Variants in TRNT1 observed in about 807,000 individuals in gnomAD.
TRNT1 encodes CCA tRNA nucleotidyltransferase 1, mitochondrial.
Under a neutral mutation model 45.6 loss-of-function variants are expected in TRNT1, and 44 were observed. The ratio of observed to expected loss-of-function variants is 0.97; its 90% CI spans 0.76 to 1.24. TRNT1 has a LOEUF of 1.24. Ranked by LOEUF, TRNT1 falls within the 50% of genes most tolerant of loss-of-function variation. The pLI, the probability that TRNT1 is intolerant of heterozygous loss-of-function variation, is 0.00. For synonymous variants in TRNT1, 201 were observed against 171.4 expected (o/e 1.17, Z -1.35); for missense variants, 633 against 504.4 (o/e 1.25, Z -2.44).
chr3:3,143,379 A>G (rs334755), intron 4 of TRNT1, among the ~76,000 whole-genome samples: 152,254 of 152,326 alleles, frequency 1, 76,091 homozygotes, highest in Middle Eastern at 1. Context: ...CACTTTTTTC[A>G]TTCAACATAT....
At chr3:3,146,732 T>C (rs1706053173) in intron 6 of TRNT1, 109 bp downstream of exon 6, 3 of 1,057,366 alleles carry the variant, frequency 2.8e-6, no homozygotes, top group South Asian at 3.4e-5. Flanking sequence ...CTTGGAGAAA[T>C]GGAGTATTTT....
chr3:3,153,321 TG>T (rs1432594219), downstream of TRNT1: 11 of 726,544 alleles, frequency 1.5e-5, no homozygotes, highest in Non-Finnish European at 2.7e-5. Context: ...GCTAAATGTT[TG>T]TAACTTTAAG....
intron 3 of TRNT1, among the ~76,000 whole-genome samples, chr3:3,139,526 C>G (rs1705517678): frequency 6.6e-6 from 1 of 152,210 alleles, no homozygotes; most frequent in South Asian, 2.1e-4. Flanking sequence ...GATATACTTT[C>G]TCTTTTACAT....
chr3:3,144,637 AAG>A lies in TRNT1; in HGVS notation c.537_538del (p.Lys180SerfsTer2). On this transcript the variant is annotated frameshift_variant, in exon 5 of 8. Coordinates refer to ENST00000251607, the MANE Select transcript of TRNT1 (RefSeq NM_182916.3). LOFTEE classifies it high-confidence loss of function. ...YFNGYEDLKN[K>X]KVRFVGHAKQ... ...TAATGGTTATGAAGATTTAAAAAAT[AAG>A]AAAGTTAGATTTGTTGGACATGCTA... The A allele has an allele frequency of 6.3e-7, 1 of 1,586,764 alleles. No individual in the cohort carries two copies. The highest frequency in any genetic ancestry group is 8.6e-7 in the Non-Finnish European group (1 of 1,159,826).
At chr3:3,150,270 G>C (rs923153529), downstream of TRNT1, 1 of 152,200 alleles carries the variant, frequency 6.6e-6, no homozygotes, top group Non-Finnish European at 1.5e-5. Flanking sequence ...ACAACTATTC[G>C]TGGGCTCAAA....
At chr3:3,153,024 CTG>C (rs1322563490), downstream of TRNT1, 24 of 300,984 alleles carry the variant, frequency 8.0e-5, no homozygotes, top group African/African-American at 4.8e-4. Flanking sequence ...TTTTCAAACA[CTG>C]TTATATCAGA....
intron 4 of TRNT1, among the ~76,000 whole-genome samples, chr3:3,142,599 T>G (rs1329458183): frequency 6.6e-6 from 1 of 152,234 alleles, no homozygotes; most frequent in East Asian, 1.9e-4. Flanking sequence ...TTTGTGTAGT[T>G]TTCTATCCTG....
chr3:3,133,304 A>C (rs911967897), intron 2 of TRNT1, among the ~76,000 whole-genome samples: 2 of 152,128 alleles, frequency 1.3e-5, no homozygotes, highest in Non-Finnish European at 2.9e-5. Flanking sequence ...ATAATCTCCC[A>C]GCACTTTGGG....
At chr3:3,151,098 C>CTATCA, downstream of TRNT1, 9 of 1,581,298 alleles carry the variant, frequency 5.7e-6, no homozygotes, top group Non-Finnish European at 6.9e-6. Context: ...TACTCCAAGC[C>CTATCA]TATCATATAA....
chr3:3,152,341 T>TTGTC (rs1706623922), downstream of TRNT1: 1 of 1,168,876 alleles, frequency 8.6e-7, no homozygotes. Context: ...AATTACTCAT[T>TTGTC]TGTCTGTCTA....
intron 2 of TRNT1, chr3:3,130,290 G>A (rs1188726893): frequency 4.0e-6 from 1 of 251,964 alleles, no homozygotes; most frequent in Non-Finnish European, 7.7e-6. Flanking sequence ...TGGGTGGGAT[G>A]ACCATCTATA....
chr3:3,137,112 C>T, intron 2 of TRNT1, 148 bp from the exon 3 acceptor site: 1 of 616,404 alleles, frequency 1.6e-6, no homozygotes, highest in Admixed American at 3.6e-5. Context: ...CTTCTTTGGG[C>T]CTTGTTCTCA....
At chr3:3,128,928 ATAAACT>A in intron 1 of TRNT1, 80 bp from the exon 2 acceptor site, 1 of 1,041,114 alleles carries the variant, frequency 9.6e-7, no homozygotes, top group Non-Finnish European at 1.4e-6. Flanking sequence ...TTCTGAGTTG[ATAAACT>A]TGAAATGTGT....
chr3:3,151,949 T>C (rs1575077902), downstream of TRNT1, among the ~76,000 whole-genome samples: 1 of 152,326 alleles, frequency 6.6e-6, no homozygotes, highest in South Asian at 2.1e-4. Flanking sequence ...GGTCCAGATA[T>C]AAAGTTCTAC....
At chr3:3,152,367 A>AT, downstream of TRNT1, 1 of 1,350,690 alleles carries the variant, frequency 7.4e-7, no homozygotes, top group South Asian at 1.3e-5. Context: ...TATTATAAAG[A>AT]TTGTGGCAAC....
downstream of TRNT1, chr3:3,150,764 A>T: frequency 9.0e-7 from 1 of 1,115,770 alleles, no homozygotes; most frequent in Non-Finnish European, 1.3e-6. Context: ...CTTAGGTATT[A>T]ATGTTATGTT....
chr3:3,138,015 G>A (rs972362470), intron 3 of TRNT1, among the ~76,000 whole-genome samples: 2 of 152,186 alleles, frequency 1.3e-5, no homozygotes, highest in African/African-American at 4.8e-5. Flanking sequence ...GAGCTATAGA[G>A]TTCCTCTCAA....
At chr3:3,151,127 C>T (rs2126047776), downstream of TRNT1, 1 of 1,413,840 alleles carries the variant, frequency 7.1e-7, no homozygotes, top group South Asian at 1.2e-5. Flanking sequence ...TGAAGACAGA[C>T]TTTAGAGGCA....
rs146766859 is a variant in TRNT1 at position 3,148,123 on chromosome 3, A to T, written c.1274A>T (p.Asp425Val). Residue 425 changes from aspartate to valine, a missense_variant, in exon 8 of 8, where the codon GAT becomes GTT. Transcript: ENST00000251607. ...AAAAGTGGTTACCAAATGGAAAAAGATGAACTTCTGAGTTACATAAAGAAG... is the reference window on the plus strand; with the variant it reads ...AAAAGTGGTTACCAAATGGAAAAAGTTGAACTTCTGAGTTACATAAAGAAG... ...WKKSGYQMEKDELLSYIKKT is the reference protein window; with the variant it reads ...WKKSGYQMEKVELLSYIKKT 1 of 1,613,790 alleles carries T rather than the reference A, an allele frequency of 6.2e-7. No homozygotes were observed. Among genetic ancestry groups the T allele is most frequent in the Non-Finnish European group, 8.5e-7 (1 of 1,179,766 alleles).
Sources: gnomAD v4.1 joint callset for allele counts (sites outside exome capture counted in the v4.1 genomes callset) on GRCh38, gnomAD v4.1.1 for gene constraint, MANE v1.5 for transcripts, NCBI Gene and HGNC (gene_info 2026-07-23, HGNC 2026-07-21) for gene names.